SEPSECS: variants seen among roughly 807,000 people sequenced by gnomAD.
SEPSECS encodes Sep (O-phosphoserine) tRNA:Sec (selenocysteine) tRNA synthase.
Under a neutral mutation model 52.1 loss-of-function variants are expected in SEPSECS, and 42 were observed. That is an observed-to-expected ratio of 0.81 (90% CI 0.63 to 1.04). The LOEUF (loss-of-function observed/expected upper bound fraction) is 1.04. Ranked by LOEUF, SEPSECS falls within the 50% of genes least tolerant of loss-of-function variation. The probability of loss-of-function intolerance (pLI) is 0.00; values close to 1 mark genes in which losing one functional copy is unlikely to be tolerated. For missense variants in SEPSECS, 590 were observed against 610.6 expected, an observed-to-expected ratio of 0.97 and a Z score of 0.36; for synonymous variants, 216 against 211.4, an observed-to-expected ratio of 1.02 and a Z score of -0.19.
At chr4:25,134,498 T>G (rs527964804) in intron 8 of SEPSECS, among the ~76,000 whole-genome samples, 1 of 152,194 alleles carries the variant, frequency 6.6e-6, no homozygotes, top group Non-Finnish European at 1.5e-5. Flanking sequence ...CTACTATATA[T>G]CAAGTAAGGG....
At chr4:25,140,308 T>C (rs532072810) in intron 8 of SEPSECS, among the ~76,000 whole-genome samples, 1 of 152,388 alleles carries the variant, frequency 6.6e-6, no homozygotes, top group South Asian at 2.1e-4. Flanking sequence ...CTCTAAAATA[T>C]AACTGAGTTT....
In SEPSECS at chr4:25,120,885, T is replaced by C. The variant is rs1226216207; in HGVS notation, c.*3046A>G. 1 of 152,122 alleles carries C rather than the reference T, an allele frequency of 6.6e-6. No individual in the cohort carries two copies. Among genetic ancestry groups the C allele is most frequent in the Non-Finnish European group, 1.5e-5 (1 of 68,002 alleles). The allele number at this position is 152,122 out of a possible 1,614,324, so 9.4% of individuals were successfully genotyped here. On this transcript the variant is annotated 3_prime_UTR_variant, in exon 11 of 11. Transcript: ENST00000382103. The stretch of plus-strand genomic sequence containing the variant: ...TCAGCAGTAAACACAAATTATCTGT[T>C]TAAATTTTACTAAAATCTATGGAAG...
intron 9 of SEPSECS, among the ~76,000 whole-genome samples, chr4:25,127,031 GT>G (rs1267206860): frequency 6.6e-6 from 1 of 152,158 alleles, no homozygotes; most frequent in Admixed American, 6.5e-5. Flanking sequence ...CTGCATTTTT[GT>G]TATAATACTT....
chr4:25,146,039 T>G (rs1577619755), intron 6 of SEPSECS, among the ~76,000 whole-genome samples: 1 of 152,278 alleles, frequency 6.6e-6, no homozygotes, highest in East Asian at 1.9e-4. Context: ...CTACTAGAAA[T>G]GTAAAACTAA....
In SEPSECS at chr4:25,123,173, C is replaced by T. The variant is rs1376652887; in HGVS notation, c.*758G>A. 1 of 152,188 alleles carries T rather than the reference C, an allele frequency of 6.6e-6. No homozygotes were observed. The allele number at this position is 152,188 out of a possible 1,614,324, so 9.4% of individuals were successfully genotyped here. On this transcript the variant is annotated 3_prime_UTR_variant, in exon 11 of 11. Coordinates refer to ENST00000382103, the MANE Select transcript of SEPSECS (RefSeq NM_016955.4). ...TACAGCTATCTTCTTTGAAGTACTA[C>T]TGAAAGTTGCTATGGTAAACTTCTC...
chr4:25,139,214 G>A (rs565210295), intron 8 of SEPSECS, among the ~76,000 whole-genome samples: 92 of 152,236 alleles, frequency 6.0e-4, no homozygotes, highest in African/African-American at 1.8e-3. Flanking sequence ...TTCCATGGAG[G>A]TAAAAACTAA....
At chr4:25,154,914 G>A (rs933126511) in intron 5 of SEPSECS, 84 bp downstream of exon 5, 1 of 1,355,246 alleles carries the variant, frequency 7.4e-7, no homozygotes, top group South Asian at 1.2e-5. Flanking sequence ...ATTGTGAAGT[G>A]TTATTTAAGC....
intron 8 of SEPSECS, among the ~76,000 whole-genome samples, chr4:25,143,159 G>C (rs1410802416): frequency 1.3e-5 from 2 of 152,150 alleles, no homozygotes; most frequent in African/African-American, 4.8e-5. Flanking sequence ...TATAAAACCA[G>C]AGTTTTATTC....
chr4:25,147,429 A>G (rs1712029782), intron 6 of SEPSECS, among the ~76,000 whole-genome samples: 1 of 152,246 alleles, frequency 6.6e-6, no homozygotes, highest in Non-Finnish European at 1.5e-5. Flanking sequence ...TGAAGTGACA[A>G]TTGGGTTTGT....
At chr4:25,148,004 G>A (rs1012594422) in intron 6 of SEPSECS, among the ~76,000 whole-genome samples, 5 of 152,122 alleles carry the variant, frequency 3.3e-5, no homozygotes, top group Admixed American at 3.3e-4. Context: ...CCCATGTGCA[G>A]AATGGGAATA....
chr4:25,147,365 GT>G (rs1712026132), intron 6 of SEPSECS, among the ~76,000 whole-genome samples: 1 of 152,208 alleles, frequency 6.6e-6, no homozygotes, highest in Non-Finnish European at 1.5e-5. Flanking sequence ...TGCATCTCCA[GT>G]TCCTACCCTG....
At position 25,133,806 on chromosome 4, in the gene SEPSECS, CA is replaced by C. The variant is rs1329688874; in HGVS notation, c.1027-6450del. On this transcript the variant is annotated intron_variant, in intron 8 of 10. Transcript: ENST00000382103. Reference sequence around the variant, plus strand: ...GTTTCTATAAGAACATAGAAATATACAGTAGATTATTCCCTTAAAAAAAAAA... The same window carrying C: ...GTTTCTATAAGAACATAGAAATATACGTAGATTATTCCCTTAAAAAAAAAA... 2.0e-5 allele frequency among the ~76,000 whole-genome samples: 3 copies of C among 151,452 alleles called. 1 individual carries two copies. The highest frequency in any genetic ancestry group is 1.5e-5 in the Non-Finnish European group (1 of 67,908).
At chr4:25,125,930 G>C in intron 9 of SEPSECS, 146 bp from the exon 10 acceptor site, 1 of 665,876 alleles carries the variant, frequency 1.5e-6, no homozygotes, top group Non-Finnish European at 2.7e-6. Flanking sequence ...TAAATCTTAG[G>C]GATTTGTTTA....
chr4:25,157,036 A>G, intron 2 of SEPSECS, 62 bp from the exon 3 acceptor site: 1 of 905,464 alleles, frequency 1.1e-6, no homozygotes, highest in East Asian at 2.4e-5. Flanking sequence ...AATACAATGT[A>G]CAAATATGCA....
At position 25,123,886 on chromosome 4, in the gene SEPSECS, G is replaced by A. The variant is rs988623277; in HGVS notation, c.*45C>T. The A allele has an allele frequency of 1.3e-6, 2 of 1,495,628 alleles. No individual in the cohort carries two copies. Among genetic ancestry groups the A allele is most frequent in the African/African-American group, 2.8e-5 (2 of 72,382 alleles). 92.6% of individuals were successfully genotyped at this position (1,495,628 alleles called of 1,614,324 possible). A position where few individuals can be genotyped will look rare whatever the true frequency, so the allele number is the denominator to read the frequency against. On this transcript the variant is annotated 3_prime_UTR_variant, in exon 11 of 11. Coordinates refer to ENST00000382103, the MANE Select transcript of SEPSECS (RefSeq NM_016955.4). ...CTTTAAACTGCTTGCTTGTACTACA[G>A]CCTTATCATTTCTTTCAAATGATCA...
chr4:25,137,986 T>C (rs1452872134), intron 8 of SEPSECS, among the ~76,000 whole-genome samples: 1 of 152,064 alleles, frequency 6.6e-6, no homozygotes, highest in East Asian at 1.9e-4. Context: ...TACCGCATCG[T>C]CTCACTCTAA....
chr4:25,140,385 T>C (rs548357854), intron 8 of SEPSECS, among the ~76,000 whole-genome samples: 2 of 152,336 alleles, frequency 1.3e-5, no homozygotes, highest in East Asian at 1.9e-4. Context: ...GACCCATATC[T>C]TGAGATTTAC....
intron 8 of SEPSECS, among the ~76,000 whole-genome samples, chr4:25,136,714 T>C (rs1206104781): frequency 6.6e-6 from 1 of 152,076 alleles, no homozygotes; most frequent in Non-Finnish European, 1.5e-5. Context: ...AAAAAAACTA[T>C]TTAAAAATTC....
chr4:25,140,879 G>A (rs562936600), intron 8 of SEPSECS, among the ~76,000 whole-genome samples: 31 of 148,824 alleles, frequency 2.1e-4, no homozygotes, highest in African/African-American at 7.7e-4. Context: ...CATGAGTTCT[G>A]CCTCCACAGC....
Sources: allele counts gnomAD v4.1 joint callset (sites outside exome capture counted in the v4.1 genomes callset), GRCh38; gene constraint gnomAD v4.1.1; transcripts MANE v1.5; gene names NCBI Gene and HGNC (gene_info 2026-07-23, HGNC 2026-07-21).